Variants in EPB41L1 observed in about 807,000 individuals in gnomAD.
EPB41L1 encodes band 4.1-like protein 1.
Under a neutral mutation model 97.8 loss-of-function variants are expected in EPB41L1, and 29 were observed. The ratio of observed to expected loss-of-function variants is 0.30; its 90% confidence interval spans 0.22 to 0.40. The LOEUF (loss-of-function observed/expected upper bound fraction) is 0.40, where lower values mean the gene tolerates loss of function less well. Among genes scored for constraint, EPB41L1 ranks in the 10% least tolerant of loss-of-function variants. The pLI is 1.00. For synonymous variants in EPB41L1, 383 were observed against 459.2 expected (o/e 0.83, Z 2.12); for missense variants, 812 against 1,162.3 (o/e 0.70, Z 4.38).
intron 14 of EPB41L1, among the ~76,000 whole-genome samples, chr20:36,201,736 A>C (rs1051638997): frequency 6.6e-6 from 1 of 152,156 alleles, no homozygotes. Context: ...GTGGCCCTTC[A>C]TGGATGCTGG....
chr20:36,162,265 A>C (rs968973386), intron 1 of EPB41L1, among the ~76,000 whole-genome samples: 1 of 152,264 alleles, frequency 6.6e-6, no homozygotes, highest in Middle Eastern at 3.2e-3. Flanking sequence ...GATTATAAAA[A>C]GATCCTTTAA....
chr20:36,191,566 A>G (rs568232681), intron 11 of EPB41L1, among the ~76,000 whole-genome samples: 21 of 152,248 alleles, frequency 1.4e-4, no homozygotes, highest in African/African-American at 5.1e-4. Flanking sequence ...TTCAGGGCCC[A>G]AGTCTCTCCC....
intron 1 of EPB41L1, among the ~76,000 whole-genome samples, chr20:36,097,583 T>C (rs2147470073): frequency 1.3e-5 from 2 of 152,084 alleles, no homozygotes; most frequent in East Asian, 3.9e-4. Context: ...TATTCACAGG[T>C]TGGGGGTGGG....
At chr20:36,147,659 C>T (rs1371672893) in intron 2 of EPB41L1, among the ~76,000 whole-genome samples, 1 of 152,208 alleles carries the variant, frequency 6.6e-6, no homozygotes, top group African/African-American at 2.4e-5. Context: ...TAAGTGGGGA[C>T]TCAGATGCTC....
At chr20:36,214,226 G>T in intron 16 of EPB41L1, 131 bp from the exon 17 acceptor site, 1 of 691,852 alleles carries the variant, frequency 1.4e-6, no homozygotes, top group Non-Finnish European at 2.6e-6. Flanking sequence ...TTTGGTCTGT[G>T]TGCAGCCCCC....
chr20:36,121,882 G>T, intron 2 of EPB41L1: 1 of 152,550 alleles, frequency 6.6e-6, no homozygotes, highest in Non-Finnish European at 1.5e-5. Context: ...GAGGTGGAGT[G>T]AGAGCAGACC....
At position 36,212,437 on chromosome 20, in the gene EPB41L1, C is replaced by T. The variant is rs1569341482; in HGVS notation, c.2184+61C>T. ...TATTGGGCATTTGGTGGTAGGGTCC[C>T]CACTGCTGTGGCCAAACCCCTTGGC... On this transcript the variant is annotated intron_variant, in intron 16 of 21. Coordinates refer to ENST00000338074, the MANE Select transcript of EPB41L1 (RefSeq NM_012156.2). The surrounding 1 kb of genome is among the most constrained non-coding windows in gnomAD (Gnocchi z 4.8). The T allele has an allele frequency of 6.8e-7, 1 of 1,466,044 alleles. No homozygotes were observed. Among genetic ancestry groups the T allele is most frequent in the East Asian group, 2.3e-5 (1 of 44,038 alleles). 90.8% of individuals were successfully genotyped at this position (1,466,044 alleles called of 1,614,324 possible).
intron 21 of EPB41L1, 39 bp from the exon 22 acceptor site, chr20:36,229,293 T>TC: frequency 1.0e-6 from 1 of 973,072 alleles, no homozygotes; most frequent in Non-Finnish European, 1.6e-6. Context: ...TTCCCCCCAC[T>TC]CCCCACCCCC....
intron 19 of EPB41L1, 32 bp downstream of exon 19, chr20:36,219,876 G>C (rs2063675522): frequency 6.3e-7 from 1 of 1,590,794 alleles, no homozygotes; most frequent in African/African-American, 1.3e-5. Flanking sequence ...CATGCCCCCA[G>C]CCGAGCTGCA....
intron 21 of EPB41L1, among the ~76,000 whole-genome samples, chr20:36,224,308 T>C (rs1211780934): frequency 6.6e-6 from 1 of 152,218 alleles, no homozygotes; most frequent in East Asian, 1.9e-4. Flanking sequence ...GTTACATATT[T>C]AAATGATAAG....
At chr20:36,201,263 G>T (rs1364832137) in intron 14 of EPB41L1, among the ~76,000 whole-genome samples, 1 of 152,236 alleles carries the variant, frequency 6.6e-6, no homozygotes, top group Non-Finnish European at 1.5e-5. Context: ...GGCCTCGAAG[G>T]AGAGGCAGGA....
intron 16 of EPB41L1, among the ~76,000 whole-genome samples, chr20:36,213,062 A>G (rs1432312430): frequency 6.6e-6 from 1 of 152,192 alleles, no homozygotes; most frequent in African/African-American, 2.4e-5. Flanking sequence ...AAGAGCTACA[A>G]TGCTAGGAGC....
At chr20:36,220,985 TA>T (rs2063747411) in intron 19 of EPB41L1, among the ~76,000 whole-genome samples, 1 of 152,190 alleles carries the variant, frequency 6.6e-6, no homozygotes, top group African/African-American at 2.4e-5. Context: ...CTTTCTCACG[TA>T]CCCCACAAAG....
intron 1 of EPB41L1, among the ~76,000 whole-genome samples, chr20:36,112,145 C>T (rs1187144919): frequency 1.3e-5 from 2 of 152,210 alleles, no homozygotes; most frequent in Non-Finnish European, 2.9e-5. Flanking sequence ...CTTCCATCCT[C>T]TACCCTGTAA....
intron 1 of EPB41L1, among the ~76,000 whole-genome samples, chr20:36,172,229 T>C (rs1253783870): frequency 6.6e-6 from 1 of 151,898 alleles, no homozygotes; most frequent in Non-Finnish European, 1.5e-5. Context: ...CAGGCATGCA[T>C]CACCACATCC....
intron 1 of EPB41L1, among the ~76,000 whole-genome samples, chr20:36,167,622 T>G (rs2060792929): frequency 6.6e-6 from 1 of 151,826 alleles, no homozygotes; most frequent in Non-Finnish European, 1.5e-5. Flanking sequence ...GCAGGAGAAT[T>G]GCTTGAATCC....
chr20:36,198,120 C>A, intron 14 of EPB41L1, 79 bp downstream of exon 14: 1 of 1,294,674 alleles, frequency 7.7e-7, no homozygotes, highest in Non-Finnish European at 1.1e-6. Flanking sequence ...TTACACTCAT[C>A]CTCCACACCA....
chr20:36,203,902 G>C (rs545025510), intron 14 of EPB41L1, among the ~76,000 whole-genome samples: 1 of 151,890 alleles, frequency 6.6e-6, no homozygotes, highest in Non-Finnish European at 1.5e-5. Flanking sequence ...AAATGTTTCA[G>C]ATCTTATGGG....
rs576734825 is a variant in EPB41L1 at position 36,229,712 on chromosome 20, C to T, written c.*372C>T. ...CCCCTTTCCCCCGCCAAATAAGAAACGCAAGCCAGACCACGATGATTGTAG... is the reference window on the plus strand; with the variant it reads ...CCCCTTTCCCCCGCCAAATAAGAAATGCAAGCCAGACCACGATGATTGTAG... On this transcript the variant is annotated 3_prime_UTR_variant, in exon 22 of 22. Transcript: ENST00000338074. The T allele has an allele frequency of 1.2e-4, 20 of 169,786 alleles. No homozygotes were observed. The highest frequency in any genetic ancestry group is 3.1e-4 in the East Asian group (2 of 6,534). 10.5% of individuals were successfully genotyped at this position (169,786 alleles called of 1,614,324 possible).
Sources: allele counts gnomAD v4.1 joint callset (sites outside exome capture counted in the v4.1 genomes callset), GRCh38; gene constraint gnomAD v4.1.1; non-coding constraint Gnocchi (gnomAD v3.1); transcripts MANE v1.5; gene names NCBI Gene and HGNC (gene_info 2026-07-23, HGNC 2026-07-21).